The following CEP164 variants were observed in gnomAD, a reference collection of about 807,000 sequenced individuals.
The protein encoded by CEP164 is centrosomal protein of 164 kDa.
A neutral mutation model predicts 182.7 loss-of-function variants in CEP164; 162 were observed. That is an observed-to-expected ratio of 0.89 (90% CI 0.78 to 1.01). The LOEUF is 1.01. Among genes scored for constraint, CEP164 ranks in the 50% least tolerant of loss-of-function variants. CEP164 has a pLI of 0.00. For synonymous variants in CEP164, 661 were observed against 690.0 expected (o/e 0.96, Z 0.66); for missense variants, 1,735 against 1,790.4 (o/e 0.97, Z 0.56).
At chr11:117,338,435 T>C (rs2037547947) in intron 2 of CEP164, 131 bp from the exon 3 acceptor site, 1 of 658,060 alleles carries the variant, frequency 1.5e-6, no homozygotes, top group Non-Finnish European at 2.7e-6. Flanking sequence ...ACCTGGCGCC[T>C]GGGAAGGCCC....
chr11:117,371,539 C>A, intron 9 of CEP164, 73 bp downstream of exon 9: 2 of 1,504,712 alleles, frequency 1.3e-6, no homozygotes, highest in East Asian at 2.3e-5. Flanking sequence ...GGGCAGGGTC[C>A]TATCCCCACA....
chr11:117,382,189 G>T (rs1326284817), intron 13 of CEP164, among the ~76,000 whole-genome samples: 1 of 152,106 alleles, frequency 6.6e-6, no homozygotes, highest in Non-Finnish European at 1.5e-5. Context: ...CCCTGCAAGG[G>T]GCTGGAGCAG....
intron 8 of CEP164, among the ~76,000 whole-genome samples, chr11:117,370,735 A>T (rs917154876): frequency 6.6e-6 from 1 of 151,978 alleles, no homozygotes. Context: ...ACATGGCAAA[A>T]CCCCATCTCT....
intron 27 of CEP164, among the ~76,000 whole-genome samples, chr11:117,402,740 C>G (rs1202324227): frequency 6.6e-6 from 1 of 152,202 alleles, no homozygotes; most frequent in African/African-American, 2.4e-5. Context: ...TGGTCCAGAG[C>G]TGAGTTCAAG....
Position 117,394,637 on chromosome 11 carries a change from GCATCCTTGTTA to G in CEP164, c.2760+146_2760+156del. 1 of 1,181,862 alleles carries G rather than the reference GCATCCTTGTTA, an allele frequency of 8.5e-7. No homozygotes were observed. 73.2% of individuals were successfully genotyped at this position (1,181,862 alleles called of 1,614,324 possible). A position where few individuals can be genotyped will look rare whatever the true frequency, so the allele number is the denominator to read the frequency against. ...TCTCACTGGCCATCTCCAAGCTGGG[GCATCCTTGTTA>G]CTTTGTTTTCTGGGCCAGGGAACAC... On this transcript the variant is annotated intron_variant, in intron 21 of 32. Coordinates refer to ENST00000278935, the MANE Select transcript of CEP164 (RefSeq NM_014956.5). The surrounding 1 kb of genome is among the most constrained non-coding windows in gnomAD (Gnocchi z 4.0).
intron 4 of CEP164, among the ~76,000 whole-genome samples, chr11:117,346,983 T>C (rs528350735): frequency 5.3e-5 from 8 of 152,210 alleles, no homozygotes; most frequent in Non-Finnish European, 1.2e-4. Context: ...GTAAATTCTC[T>C]CTAGACTCTT....
intron 4 of CEP164, among the ~76,000 whole-genome samples, chr11:117,344,813 AG>A (rs1206634945): frequency 6.6e-6 from 1 of 152,066 alleles, no homozygotes; most frequent in Admixed American, 6.6e-5. Flanking sequence ...CTGCAGTCCT[AG>A]CTACTTAGGA....
At chr11:117,349,245 A>G (rs477858) in intron 4 of CEP164, among the ~76,000 whole-genome samples, 36,727 of 151,866 alleles carry the variant, frequency 0.24, 5,053 homozygotes, top group East Asian at 0.53. Context: ...CTGGTCTCGA[A>G]CTCCCGACCT....
intron 4 of CEP164, among the ~76,000 whole-genome samples, chr11:117,345,923 G>A (rs2038826743): frequency 6.6e-6 from 1 of 152,204 alleles, no homozygotes; most frequent in Non-Finnish European, 1.5e-5. Flanking sequence ...CTGACCTCAG[G>A]TTGTCCACCT....
At chr11:117,406,282 G>C (rs2046664712) in intron 27 of CEP164, among the ~76,000 whole-genome samples, 1 of 152,190 alleles carries the variant, frequency 6.6e-6, no homozygotes, top group Non-Finnish European at 1.5e-5. Flanking sequence ...TAAAAATGAG[G>C]AAGAAGCAAA....
chr11:117,331,367 G>A (rs138656073), intron 1 of CEP164, among the ~76,000 whole-genome samples: 432 of 152,294 alleles, frequency 2.8e-3, no homozygotes, highest in African/African-American at 9.8e-3. Context: ...CCTTCTAATA[G>A]TTAAGAATTA....
intron 5 of CEP164, chr11:117,355,972 G>A: frequency 7.2e-6 from 8 of 1,116,364 alleles, no homozygotes; most frequent in Non-Finnish European, 8.9e-6. Flanking sequence ...AAGATCAGAA[G>A]CCTAGCTTGT....
At chr11:117,329,819 C>T (rs1296305387) in intron 1 of CEP164, among the ~76,000 whole-genome samples, 2 of 141,616 alleles carry the variant, frequency 1.4e-5, no homozygotes, top group Admixed American at 7.2e-5. Flanking sequence ...GGATTACAGG[C>T]GTGAGCCACT....
chr11:117,386,136 G>C (rs1334191177), intron 14 of CEP164: 1 of 152,268 alleles, frequency 6.6e-6, no homozygotes, highest in Non-Finnish European at 1.5e-5. Flanking sequence ...TAGGTTGACT[G>C]AGCCACCATG....
chr11:117,402,961 G>C (rs1460416836), intron 27 of CEP164, among the ~76,000 whole-genome samples: 1 of 152,170 alleles, frequency 6.6e-6, no homozygotes, highest in African/African-American at 2.4e-5. Context: ...TTGGTTTAAA[G>C]TCTGTTTTAT....
intron 28 of CEP164, 22 bp downstream of exon 28, chr11:117,408,054 G>T (rs1452960370): frequency 3.3e-6 from 5 of 1,515,660 alleles, no homozygotes; most frequent in Non-Finnish European, 3.6e-6. Flanking sequence ...TGTCCACATA[G>T]TCCAGTGGGC....
At position 117,371,486 on chromosome 11, in the gene CEP164, A is replaced by G; in HGVS notation, c.1152+20A>G. 1 of 1,590,856 alleles carries G rather than the reference A, an allele frequency of 6.3e-7. No individual in the cohort carries two copies. Among genetic ancestry groups the G allele is most frequent in the Non-Finnish European group, 8.5e-7 (1 of 1,169,836 alleles). ...AGCCAAGTAAGTCACTGTATCCCAT[A>G]GGCAGGGGTTGGCTGTAGCCCTCTG... On this transcript the variant is annotated intron_variant, in intron 9 of 32. Coordinates refer to ENST00000278935, the MANE Select transcript of CEP164 (RefSeq NM_014956.5).
intron 2 of CEP164, among the ~76,000 whole-genome samples, chr11:117,337,566 C>G (rs552404521): frequency 3.2e-4 from 48 of 150,730 alleles, no homozygotes; most frequent in African/African-American, 1.1e-3. Flanking sequence ...GATGTAGCTC[C>G]TTTCCACTTT....
intron 2 of CEP164, among the ~76,000 whole-genome samples, chr11:117,337,870 A>G (rs1198170008): frequency 1.3e-5 from 2 of 152,142 alleles, no homozygotes; most frequent in Non-Finnish European, 2.9e-5. Flanking sequence ...ACGGTCTGCA[A>G]GGCTCACTGT....
Sources: gnomAD v4.1 joint callset for allele counts (sites outside exome capture counted in the v4.1 genomes callset) on GRCh38, gnomAD v4.1.1 for gene constraint, Gnocchi (gnomAD v3.1) non-coding constraint, MANE v1.5 for transcripts, NCBI Gene and HGNC (gene_info 2026-07-23, HGNC 2026-07-21) for gene names.